Variants in DIAPH1 observed in about 807,000 individuals in gnomAD.
DIAPH1 encodes the protein protein diaphanous homolog 1.
DIAPH1 carries 46 observed loss-of-function variants against 140.7 expected under a neutral mutation model. The ratio of observed to expected loss-of-function variants is 0.33; its 90% CI spans 0.26 to 0.42. The LOEUF is 0.42. Ranked by LOEUF, DIAPH1 falls within the 10% of genes least tolerant of loss-of-function variation. The pLI, the probability that DIAPH1 is intolerant of heterozygous loss-of-function variation, is 1.00. For missense variants in DIAPH1, 1,310 were observed against 1,558.7 expected, an observed-to-expected ratio of 0.84 and a Z score of 2.69; for synonymous variants, 565 against 551.6, an observed-to-expected ratio of 1.02 and a Z score of -0.34.
chr5:141,561,662 A>G (rs1377198391), intron 18 of DIAPH1: 2 of 152,240 alleles, frequency 1.3e-5, no homozygotes, highest in African/African-American at 4.8e-5. Flanking sequence ...CTGTTACAGT[A>G]GTCTGGTATA....
chr5:141,587,130 G>T lies in DIAPH1; in HGVS notation c.212C>A (p.Ser71Tyr). The change falls in exon 3 of 28, where the codon TCT becomes TAT. Residue 71 changes from serine (S) to tyrosine (Y), a missense_variant. Around this residue, in one of 3 missense-constraint regions of DIAPH1, gnomAD observed 377 missense variants for 497.1 expected, o/e 0.76. Transcript: ENST00000389054. ...GGGATCATCCCCATATGATGCAGAAGAATTTCTATGAGCAGAATTGGGCTT... is the reference window on the plus strand; with the variant it reads ...GGGATCATCCCCATATGATGCAGAATAATTTCTATGAGCAGAATTGGGCTT... The part of the protein sequence containing the change: ...KEKPNSAHRN[S>Y]SASYGDDPTA... 2 of 1,614,160 alleles carry T rather than the reference G, an allele frequency of 1.2e-6. No individual in the cohort carries two copies. Among genetic ancestry groups the T allele is most frequent in the South Asian group, 1.1e-5 (1 of 91,086 alleles).
intron 27 of DIAPH1, among the ~76,000 whole-genome samples, chr5:141,519,778 A>G (rs1215694608): frequency 6.6e-6 from 1 of 152,158 alleles, no homozygotes; most frequent in Non-Finnish European, 1.5e-5. Context: ...CCAGCTTTCC[A>G]CTCACTCACC....
In DIAPH1 at chr5:141,591,650, C is replaced by T. The variant is rs1217082131; in HGVS notation, c.118-3400G>A. On this transcript the variant is annotated intron_variant, in intron 1 of 27. Coordinates refer to ENST00000389054, the MANE Select transcript of DIAPH1 (RefSeq NM_005219.5). ...TTGTGCCTTTTTCCTATTCAATATCCACTAACTCTCGCCTTTAGATGGAAA... is the reference window on the plus strand; with the variant it reads ...TTGTGCCTTTTTCCTATTCAATATCTACTAACTCTCGCCTTTAGATGGAAA... Among the ~76,000 whole-genome samples, 3 of 138,202 alleles carry T rather than the reference C, an allele frequency of 2.2e-5. No individual in the cohort carries two copies. In the East Asian group the frequency reaches 6.1e-4, roughly 28 times the overall value. The allele number at this position is 138,202 out of a possible 152,430, so 90.7% of individuals were successfully genotyped here. A position where few individuals can be genotyped will look rare whatever the true frequency, so the allele number is the denominator to read the frequency against.
intron 18 of DIAPH1, chr5:141,564,065 T>C (rs1293264998): frequency 6.6e-6 from 1 of 152,182 alleles, no homozygotes; most frequent in Non-Finnish European, 1.5e-5. Flanking sequence ...AACCTCTCTT[T>C]GAGCCCTCTC....
At chr5:141,542,773 G>GATA (rs1324806366) in intron 18 of DIAPH1, among the ~76,000 whole-genome samples, 1 of 152,202 alleles carries the variant, frequency 6.6e-6, no homozygotes, top group Non-Finnish European at 1.5e-5. Context: ...GAACTGGATA[G>GATA]ATATGATGGT....
chr5:141,581,305 C>T (rs185643760), intron 7 of DIAPH1, among the ~76,000 whole-genome samples: 15 of 152,242 alleles, frequency 9.9e-5, no homozygotes, highest in African/African-American at 3.1e-4. Flanking sequence ...AAGAACCAAC[C>T]GTGCTGGTAC....
chr5:141,609,540 T>G (rs935178282), intron 1 of DIAPH1, among the ~76,000 whole-genome samples: 1 of 152,194 alleles, frequency 6.6e-6, no homozygotes, highest in Non-Finnish European at 1.5e-5. Flanking sequence ...ACCTATAAAA[T>G]GGGAATAATA....
At chr5:141,567,233 TG>T (rs2099894512) in intron 18 of DIAPH1, among the ~76,000 whole-genome samples, 2 of 152,110 alleles carry the variant, frequency 1.3e-5, no homozygotes, top group South Asian at 4.1e-4. Context: ...ATGGAAAGGT[TG>T]GGGTGTAGAG....
At chr5:141,594,070 T>C (rs1348028614) in intron 1 of DIAPH1, among the ~76,000 whole-genome samples, 5 of 152,188 alleles carry the variant, frequency 3.3e-5, no homozygotes, top group African/African-American at 1.2e-4. Context: ...TGCTGGGATT[T>C]ATAGGCGTGA....
intron 18 of DIAPH1, among the ~76,000 whole-genome samples, chr5:141,540,771 C>T (rs1158545125): frequency 6.6e-6 from 1 of 151,718 alleles, no homozygotes; most frequent in Non-Finnish European, 1.5e-5. Flanking sequence ...CAAAAGACGC[C>T]ATTTCAGGCC....
At chr5:141,528,614 G>A in intron 22 of DIAPH1, 32 bp from the exon 23 acceptor site, 2 of 1,614,222 alleles carry the variant, frequency 1.2e-6, no homozygotes, top group Non-Finnish European at 1.7e-6. Flanking sequence ...GTTAAATCCT[G>A]ACATGTCCAA....
chr5:141,516,150 A>G lies in DIAPH1; in HGVS notation c.*701T>C, dbSNP rs886060030. ...AGGCAAGGGCATAAAGCGTGGCAGA[A>G]GCTGGGGGCAGGTCCCACACTGTCG... On this transcript the variant is annotated 3_prime_UTR_variant, in exon 28 of 28. Transcript: ENST00000389054. 8.3e-5 allele frequency: 13 copies of G among 157,556 alleles called. No individual in the cohort carries two copies. The highest frequency in any genetic ancestry group is 1.4e-4 in the Non-Finnish European group (10 of 71,104). 9.8% of individuals were successfully genotyped at this position (157,556 alleles called of 1,614,324 possible). A position where few individuals can be genotyped will look rare whatever the true frequency, so the allele number is the denominator to read the frequency against.
In DIAPH1 at chr5:141,526,479, A is replaced by G. The variant is rs762290499; in HGVS notation, c.3274-18T>C. On this transcript the variant is annotated intron_variant, in intron 24 of 27. Coordinates refer to ENST00000389054, the MANE Select transcript of DIAPH1 (RefSeq NM_005219.5). ...ACAAAGCTGTGCAGCCAAGGAGTAA[A>G]GGACCAAGACCAAGACCAAGAAGCA... 3 of 1,614,108 alleles carry G rather than the reference A, an allele frequency of 1.9e-6. No homozygotes were observed. Among genetic ancestry groups the G allele is most frequent in the Non-Finnish European group, 2.5e-6 (3 of 1,180,004 alleles).
At chr5:141,602,637 A>C (rs981845930) in intron 1 of DIAPH1, among the ~76,000 whole-genome samples, 39 of 152,352 alleles carry the variant, frequency 2.6e-4, no homozygotes, top group African/African-American at 8.7e-4. Context: ...GACTAGTATG[A>C]AGAATAAATA....
intron 18 of DIAPH1, among the ~76,000 whole-genome samples, chr5:141,566,296 T>G (rs1222147150): frequency 6.6e-6 from 1 of 152,148 alleles, no homozygotes; most frequent in Non-Finnish European, 1.5e-5. Context: ...ATTGGTAGGA[T>G]CATGACCTTT....
intron 1 of DIAPH1, among the ~76,000 whole-genome samples, chr5:141,592,550 C>T (rs4912763): frequency 0.23 from 34,433 of 152,052 alleles, 4,137 homozygotes; most frequent in Admixed American, 0.32. Context: ...GAGATAAATG[C>T]TACTGGAGCT....
At chr5:141,519,379 CAT>C (rs1491441296) in intron 27 of DIAPH1, among the ~76,000 whole-genome samples, 2 of 151,716 alleles carry the variant, frequency 1.3e-5, no homozygotes, top group Non-Finnish European at 2.9e-5. Context: ...CGACTCTGTG[CAT>C]GTGTGTGTGT....
Position 141,572,054 on chromosome 5 carries a change from C to A in DIAPH1, c.2359-14G>T, listed in dbSNP as rs771242509. ...CTCAGCCACAAGCTGTGGATAAAGG[C>A]AGGGTGTTAAGAATTAGTAAACTGA... On this transcript the variant is annotated splice_polypyrimidine_tract_variant and intron_variant, in intron 16 of 27. Transcript: ENST00000389054. 2.5e-6 allele frequency: 4 copies of A among 1,587,030 alleles called. No individual in the cohort carries two copies. The Admixed American group carries it at 5.0e-5, about 20-fold the overall frequency.
At chr5:141,534,157 C>G (rs2099888679) in intron 19 of DIAPH1, among the ~76,000 whole-genome samples, 178 bp downstream of exon 19, 1 of 150,290 alleles carries the variant, frequency 6.7e-6, no homozygotes, top group Admixed American at 6.7e-5. Context: ...ACTTAAAAAT[C>G]TTGCAGTGCT....
Sources: gnomAD v4.1 joint callset for allele counts (sites outside exome capture counted in the v4.1 genomes callset) on GRCh38, gnomAD v4.1.1 for gene constraint, gnomAD v4.1.1 regional missense constraint, MANE v1.5 for transcripts, NCBI Gene and HGNC (gene_info 2026-07-23, HGNC 2026-07-21) for gene names.